Variants in GNAQ observed in about 807,000 individuals in gnomAD.
The protein encoded by GNAQ is G protein subunit alpha q.
GNAQ carries 8 observed loss-of-function variants against 43.9 expected under a neutral mutation model. That is an observed-to-expected ratio of 0.18 (90% CI 0.11 to 0.33). The LOEUF (loss-of-function observed/expected upper bound fraction) is 0.33. GNAQ is among the 10% of genes least tolerant of loss of function. The pLI, the probability that GNAQ is intolerant of heterozygous loss-of-function variation, is 1.00. For synonymous variants in GNAQ, 155 were observed against 170.7 expected, an observed-to-expected ratio of 0.91 and a Z score of 0.71; for missense variants, 158 against 450.8, an observed-to-expected ratio of 0.35 and a Z score of 5.88.
chr9:77,938,600 G>T (rs925321154), intron 1 of GNAQ, among the ~76,000 whole-genome samples: 2 of 152,202 alleles, frequency 1.3e-5, no homozygotes, highest in African/African-American at 2.4e-5. Flanking sequence ...AGAACAGGCA[G>T]GTTGTGGCTG....
At chr9:77,803,325 G>T (rs1181014407) in intron 3 of GNAQ, among the ~76,000 whole-genome samples, 1 of 152,082 alleles carries the variant, frequency 6.6e-6, no homozygotes, top group East Asian at 1.9e-4. Flanking sequence ...TATTCTTTAG[G>T]TCCTGGCTAG....
chr9:77,748,947 G>GT lies in GNAQ; in HGVS notation c.736-20281dup, dbSNP rs1206762661. ...CACAGGGATGGAATGACTCCTCAGG[G>GT]TAAGAAAGGGAAAGGGGGAGTTCTG... On this transcript the variant is annotated intron_variant, in intron 5 of 6. Coordinates refer to ENST00000286548, the MANE Select transcript of GNAQ (RefSeq NM_002072.5). Among the ~76,000 whole-genome samples, 7 of 152,204 alleles carry GT rather than the reference G, an allele frequency of 4.6e-5. No individual in the cohort carries two copies. The East Asian group carries it at 9.7e-4, about 21-fold the overall frequency.
intron 2 of GNAQ, among the ~76,000 whole-genome samples, chr9:77,885,666 G>A (rs1828290748): frequency 3.9e-5 from 6 of 151,952 alleles, no homozygotes; most frequent in Admixed American, 3.9e-4. Context: ...TCTCAGTACG[G>A]ATGGAAAGAA....
chr9:77,791,340 T>C (rs1379816220), intron 5 of GNAQ, among the ~76,000 whole-genome samples: 1 of 152,126 alleles, frequency 6.6e-6, no homozygotes, highest in Non-Finnish European at 1.5e-5. Flanking sequence ...AACTAAAATA[T>C]GTTATAAGCA....
At chr9:77,925,354 A>G (rs1338636062) in intron 1 of GNAQ, among the ~76,000 whole-genome samples, 5 of 152,170 alleles carry the variant, frequency 3.3e-5, no homozygotes, top group African/African-American at 1.2e-4. Context: ...ACTCATTCTC[A>G]TGACACACTT....
chr9:77,906,569 G>A (rs144586601), intron 2 of GNAQ, among the ~76,000 whole-genome samples: 1 of 151,896 alleles, frequency 6.6e-6, no homozygotes, highest in Non-Finnish European at 1.5e-5. Context: ...ATATATACTC[G>A]ATTAAAAAAA....
chr9:77,760,181 G>C (rs190411219), intron 5 of GNAQ, among the ~76,000 whole-genome samples: 1 of 146,056 alleles, frequency 6.8e-6, no homozygotes, highest in African/African-American at 2.5e-5. Flanking sequence ...TATCTAGTTC[G>C]AAAACATTTT....
At chr9:77,940,727 G>A (rs1829303235) in intron 1 of GNAQ, among the ~76,000 whole-genome samples, 1 of 152,138 alleles carries the variant, frequency 6.6e-6, no homozygotes, top group Admixed American at 6.5e-5. Flanking sequence ...CAGCACTTTG[G>A]GAGGCCGAGG....
At chr9:77,746,046 G>A (rs538083216) in intron 5 of GNAQ, among the ~76,000 whole-genome samples, 13 of 152,234 alleles carry the variant, frequency 8.5e-5, no homozygotes, top group East Asian at 3.9e-4. Flanking sequence ...TAAGGAAGCC[G>A]AAGAGCCATG....
At chr9:77,734,421 G>T (rs1403207792) in intron 5 of GNAQ, among the ~76,000 whole-genome samples, 1 of 152,038 alleles carries the variant, frequency 6.6e-6, no homozygotes, top group East Asian at 1.9e-4. Flanking sequence ...TTCCCATAAA[G>T]TCTAAAATAC....
At chr9:78,002,828 T>C (rs1170879691) in intron 1 of GNAQ, among the ~76,000 whole-genome samples, 1 of 152,192 alleles carries the variant, frequency 6.6e-6, no homozygotes, top group African/African-American at 2.4e-5. Context: ...TATCATCATA[T>C]CAACTACCTT....
chr9:77,987,113 T>C (rs1015708013), intron 1 of GNAQ, among the ~76,000 whole-genome samples: 2 of 152,186 alleles, frequency 1.3e-5, no homozygotes, highest in African/African-American at 4.8e-5. Flanking sequence ...TTCTTCCTTT[T>C]CTTTTCTTTG....
At chr9:77,998,182 C>T (rs1034011551) in intron 1 of GNAQ, among the ~76,000 whole-genome samples, 6 of 152,228 alleles carry the variant, frequency 3.9e-5, no homozygotes, top group African/African-American at 1.4e-4. Flanking sequence ...TGAAGTCCGC[C>T]TCAGGCATTC....
At chr9:77,879,304 C>G (rs1288833566) in intron 2 of GNAQ, among the ~76,000 whole-genome samples, 1 of 151,762 alleles carries the variant, frequency 6.6e-6, no homozygotes, top group Admixed American at 6.6e-5. Flanking sequence ...TGCTCTGTGG[C>G]CCAGGCTGGA....
Position 77,769,764 on chromosome 9 carries a change from A to G in GNAQ, c.735+24699T>C, listed in dbSNP as rs571727732. Among the ~76,000 whole-genome samples, 839 of 148,062 alleles carry G rather than the reference A, an allele frequency of 5.7e-3. 1 individual carries two copies. The highest frequency in any genetic ancestry group is 0.02 in the African/African-American group (792 of 39,888). On this transcript the variant is annotated intron_variant, in intron 5 of 6. Coordinates refer to ENST00000286548, the MANE Select transcript of GNAQ (RefSeq NM_002072.5). ...ACTGCAAGCTCTGCCTCCTGGGTTCATGCCATTCTCCTGCCTCAGCCTCCC... is the reference window on the plus strand; with the variant it reads ...ACTGCAAGCTCTGCCTCCTGGGTTCGTGCCATTCTCCTGCCTCAGCCTCCC...
Position 77,728,584 on chromosome 9 carries a change from T to G in GNAQ, c.819A>C (p.Leu273Phe). ...WFQNSSVILFLNKKDLLEEKI... is the reference protein window; with the variant it reads ...WFQNSSVILFFNKKDLLEEKI... ...TCTCCTCTAGAAGATCTTTCTTGTT[T>G]AAGAACAGAATAACCGAGGAGTTCT... Residue 273 changes from leucine (L) to phenylalanine (F), a missense_variant, in exon 6 of 7, where the codon TTA becomes TTC. Leu to Phe is a conservative substitution (Grantham distance 22, BLOSUM62 0). This residue lies in a region of GNAQ where 56 missense variants were observed against 172.2 expected (regional missense o/e 0.33). Transcript: ENST00000286548. 6.3e-7 allele frequency: 1 copy of G among 1,599,294 alleles called. No individual in the cohort carries two copies. Among genetic ancestry groups the G allele is most frequent in the Non-Finnish European group, 8.6e-7 (1 of 1,166,890 alleles).
chr9:77,725,197 C>T (rs1425479183), intron 6 of GNAQ, among the ~76,000 whole-genome samples: 2 of 151,888 alleles, frequency 1.3e-5, no homozygotes, highest in East Asian at 1.9e-4. Flanking sequence ...AATAAACATA[C>T]ACTACAAAGA....
At chr9:78,005,846 T>C (rs1055138520) in intron 1 of GNAQ, among the ~76,000 whole-genome samples, 5 of 152,282 alleles carry the variant, frequency 3.3e-5, no homozygotes, top group African/African-American at 7.2e-5. Flanking sequence ...CATATAGTTG[T>C]ATCATGGCTA....
intron 5 of GNAQ, among the ~76,000 whole-genome samples, chr9:77,770,009 A>G (rs1456397791): frequency 6.6e-6 from 1 of 152,080 alleles, no homozygotes; most frequent in East Asian, 1.9e-4. Context: ...GGGTAATGAA[A>G]TAACAACAAG....
Sources: gnomAD v4.1 joint callset for allele counts (sites outside exome capture counted in the v4.1 genomes callset) on GRCh38, gnomAD v4.1.1 for gene constraint, gnomAD v4.1.1 regional missense constraint, MANE v1.5 for transcripts, NCBI Gene and HGNC (gene_info 2026-07-23, HGNC 2026-07-21) for gene names.